The following BRF1 variants were observed in gnomAD, a reference collection of about 807,000 sequenced individuals.
BRF1 encodes the protein BRF1 general transcription factor IIIB subunit.
A neutral mutation model predicts 81.7 loss-of-function variants in BRF1; 59 were observed. The ratio of observed to expected loss-of-function variants is 0.72; its 90% CI spans 0.59 to 0.90. The LOEUF is 0.90. Ranked by LOEUF, BRF1 falls within the 40% of genes least tolerant of loss-of-function variation. The pLI is 0.00. For missense variants in BRF1, 1,050 were observed against 936.3 expected (o/e 1.12, Z -1.58); for synonymous variants, 491 against 395.6 (o/e 1.24, Z -2.86).
At chr14:105,280,678 C>T (rs1372647373) in intron 2 of BRF1, among the ~76,000 whole-genome samples, 1 of 152,130 alleles carries the variant, frequency 6.6e-6, no homozygotes, top group Non-Finnish European at 1.5e-5. Flanking sequence ...GATCCTGAGC[C>T]CGGCTGTGCG....
chr14:105,249,630 C>T (rs2055461319), intron 5 of BRF1: 2 of 1,599,432 alleles, frequency 1.3e-6, no homozygotes, highest in East Asian at 4.5e-5. Flanking sequence ...GCGGGCCCTG[C>T]CTCGCCTAGG....
At chr14:105,307,464 C>A (rs1423969160) in intron 1 of BRF1, among the ~76,000 whole-genome samples, 2 of 152,202 alleles carry the variant, frequency 1.3e-5, no homozygotes, top group East Asian at 3.8e-4. Flanking sequence ...CCCTCCCTGT[C>A]CTGACTGGCC....
intron 11 of BRF1, 138 bp from the exon 12 acceptor site, chr14:105,220,268 GT>G: frequency 1.2e-6 from 1 of 849,092 alleles, no homozygotes; most frequent in Non-Finnish European, 1.9e-6. Flanking sequence ...GCACTGGTGG[GT>G]CGCGCCCTGT....
intron 15 of BRF1, 118 bp downstream of exon 15, chr14:105,217,426 C>A: frequency 6.7e-7 from 1 of 1,487,270 alleles, no homozygotes; most frequent in Non-Finnish European, 9.1e-7. Context: ...GTGGCAAATG[C>A]CACTCCAGGC....
At chr14:105,307,963 G>C (rs780138688) in intron 1 of BRF1, among the ~76,000 whole-genome samples, 14 of 152,148 alleles carry the variant, frequency 9.2e-5, no homozygotes, top group Non-Finnish European at 1.8e-4. Context: ...TGGGAGGATA[G>C]CTTGAGCCCA....
chr14:105,314,951 C>A lies in BRF1; in HGVS notation c.-162+371G>T, dbSNP rs587698346. Reference sequence around the variant, plus strand: ...AGCGAGGCCGCCTCGGCCTCCCCGGCGCGCCCGGCGCGCTCAACACGCCCG... The same window carrying A: ...AGCGAGGCCGCCTCGGCCTCCCCGGAGCGCCCGGCGCGCTCAACACGCCCG... On this transcript the variant is annotated intron_variant, in intron 1 of 17. Coordinates refer to the BRF1 transcript ENST00000327359. 1.7e-6 allele frequency: 2 copies of A among 1,178,486 alleles called. No homozygotes were observed. The highest frequency in any genetic ancestry group is 1.8e-5 in the South Asian group (1 of 54,616). 73.0% of individuals were successfully genotyped at this position (1,178,486 alleles called of 1,614,324 possible).
chr14:105,249,328 G>A (rs1271633536), intron 5 of BRF1: 2 of 1,600,088 alleles, frequency 1.2e-6, no homozygotes, highest in Non-Finnish European at 8.5e-7. Flanking sequence ...CTGCGGGAGA[G>A]CCAGGCTCAC....
At chr14:105,219,607 C>T (rs907839512) in intron 12 of BRF1, 9 of 423,186 alleles carry the variant, frequency 2.1e-5, no homozygotes, top group African/African-American at 1.4e-4. Flanking sequence ...TGAGGCACCA[C>T]GTGGCCATGA....
At chr14:105,229,659 AG>A (rs1339131483) in intron 6 of BRF1, among the ~76,000 whole-genome samples, 4 of 150,860 alleles carry the variant, frequency 2.7e-5, no homozygotes, top group Non-Finnish European at 5.9e-5. Context: ...ACAGCCTGGC[AG>A]CCCCGTGGCA....
rs1889913332 is a variant in BRF1 at position 105,210,255 on chromosome 14, T to G, written c.*296A>C. 2.2e-6 allele frequency: 1 copy of G among 451,102 alleles called. No homozygotes were observed. Among genetic ancestry groups the G allele is most frequent in the Non-Finnish European group, 4.1e-6 (1 of 244,864 alleles). 27.9% of individuals were successfully genotyped at this position (451,102 alleles called of 1,614,324 possible). ...TTCCTTAATAGTAGCAACACCACAC[T>G]GCCAGCCTTGGAGGGTCCTTGGATG... On this transcript the variant is annotated 3_prime_UTR_variant, in exon 18 of 18. Coordinates refer to ENST00000547530, the MANE Select transcript of BRF1 (RefSeq NM_001519.4). This position sits in a 1 kb window ranked among gnomAD's most constrained non-coding sequence, Gnocchi z 4.7.
In BRF1 at chr14:105,228,874, G is replaced by C. The variant is rs1182244527; in HGVS notation, c.734C>G (p.Thr245Ser). Residue 245 changes from threonine to serine, a missense_variant, in exon 7 of 18, where the codon ACT (threonine) becomes AGT (serine). Around this residue, in one of 2 missense-constraint regions of BRF1, gnomAD observed 1,043 missense variants for 915.4 expected, o/e 1.14. Coordinates refer to ENST00000547530, the MANE Select transcript of BRF1 (RefSeq NM_001519.4). ...VAARMHDFRR[T>S]VKEVISVVKV... ...GACCACACTGATGACCTCCTTCACA[G>C]TCCTCCTGAAGTCATGCATTCTGGC... 6.2e-7 allele frequency: 1 copy of C among 1,613,848 alleles called. No individual in the cohort carries two copies. Among genetic ancestry groups the C allele is most frequent in the Non-Finnish European group, 8.5e-7 (1 of 1,180,018 alleles).
At chr14:105,246,565 G>C (rs754548700) in intron 5 of BRF1, among the ~76,000 whole-genome samples, 4 of 152,088 alleles carry the variant, frequency 2.6e-5, no homozygotes, top group Non-Finnish European at 1.5e-5. Context: ...CGCCTCCCTG[G>C]TTCGAGCCAT....
At chr14:105,291,503 C>T (rs587656135) in intron 1 of BRF1, among the ~76,000 whole-genome samples, 9 of 152,178 alleles carry the variant, frequency 5.9e-5, no homozygotes, top group Admixed American at 3.9e-4. Context: ...GGGCGAAACC[C>T]CGTCTCTACT....
chr14:105,293,941 A>C (rs1396258482), intron 1 of BRF1, among the ~76,000 whole-genome samples: 1 of 152,244 alleles, frequency 6.6e-6, no homozygotes, highest in East Asian at 1.9e-4. Flanking sequence ...TTGGGACTAG[A>C]AAACGACAGC....
chr14:105,296,554 G>A (rs1220725921), intron 1 of BRF1, among the ~76,000 whole-genome samples: 1 of 151,408 alleles, frequency 6.6e-6, no homozygotes, highest in Non-Finnish European at 1.5e-5. Context: ...GGTGGCGGGT[G>A]CCTGTGATCC....
rs2056425460 is a variant in BRF1 at position 105,266,533 on chromosome 14, CA to C, written c.439+6187del. On this transcript the variant is annotated intron_variant, in intron 3 of 17. Coordinates refer to ENST00000547530, the MANE Select transcript of BRF1 (RefSeq NM_001519.4). ...GTGTTTGATAAAATTCAGTATTTTTCATGACAAAAACTCTTGGAAAATTAGA... is the reference window on the plus strand; with the variant it reads ...GTGTTTGATAAAATTCAGTATTTTTCTGACAAAAACTCTTGGAAAATTAGA... 2.0e-5 allele frequency among the ~76,000 whole-genome samples: 3 copies of C among 152,174 alleles called. No individual in the cohort carries two copies. The South Asian group carries it at 6.2e-4, about 32-fold the overall frequency.
chr14:105,226,927 A>G, intron 7 of BRF1, 167 bp from the exon 8 acceptor site: 7 of 861,696 alleles, frequency 8.1e-6, no homozygotes, highest in Non-Finnish European at 1.2e-5. Flanking sequence ...TAGGCAACAC[A>G]GTGAGACTCT....
rs1335134305 is a variant in BRF1 at position 105,241,433 on chromosome 14, C to T, written c.545-19G>A. 6.2e-7 allele frequency: 1 copy of T among 1,608,924 alleles called. No homozygotes were observed. The highest frequency in any genetic ancestry group is 8.5e-7 in the Non-Finnish European group (1 of 1,179,806). ...CACGGGTCTGCGGCAGACACAGCACCTCAGTGCCCACCTCCATGTGCCATG... is the reference window on the plus strand; with the variant it reads ...CACGGGTCTGCGGCAGACACAGCACTTCAGTGCCCACCTCCATGTGCCATG... On this transcript the variant is annotated intron_variant, in intron 5 of 17. Coordinates refer to ENST00000547530, the MANE Select transcript of BRF1 (RefSeq NM_001519.4).
chr14:105,211,049 C>A, intron 17 of BRF1, 73 bp downstream of exon 17: 1 of 1,564,046 alleles, frequency 6.4e-7, no homozygotes, highest in South Asian at 1.2e-5. Context: ...GGCCCAAGTT[C>A]AGGGATCATG....
Sources: gnomAD v4.1 joint callset for allele counts (sites outside exome capture counted in the v4.1 genomes callset) on GRCh38, gnomAD v4.1.1 for gene constraint, gnomAD v4.1.1 regional missense constraint, Gnocchi (gnomAD v3.1) non-coding constraint, MANE v1.5 for transcripts, NCBI Gene and HGNC (gene_info 2026-07-23, HGNC 2026-07-21) for gene names.